UTP18: variants seen among roughly 807,000 people sequenced by gnomAD.
The protein encoded by UTP18 is UTP18 small subunit processome component.
Under a neutral mutation model 61.1 loss-of-function variants are expected in UTP18, and 36 were observed. The ratio of observed to expected loss-of-function variants is 0.59; its 90% CI spans 0.45 to 0.78. The LOEUF (loss-of-function observed/expected upper bound fraction) is 0.78, where lower values mean the gene tolerates loss of function less well. UTP18 is among the 30% of genes least tolerant of loss of function. The probability of loss-of-function intolerance (pLI) is 0.00; values close to 1 mark genes in which losing one functional copy is unlikely to be tolerated. For synonymous variants in UTP18, 282 were observed against 251.1 expected (o/e 1.12, Z -1.16); for missense variants, 753 against 693.9 (o/e 1.09, Z -0.96).
At chr17:51,281,090 T>C (rs1904902280) in intron 9 of UTP18, among the ~76,000 whole-genome samples, 1 of 150,430 alleles carries the variant, frequency 6.6e-6, no homozygotes, top group South Asian at 2.1e-4. Context: ...AGGCAAAGAA[T>C]CACTTGAACC....
chr17:51,296,499 T>C (rs1567708413), intron 12 of UTP18: 1 of 152,922 alleles, frequency 6.5e-6, no homozygotes, highest in Non-Finnish European at 1.5e-5. Context: ...AGATTTGGAG[T>C]GGTTCTGTTT....
chr17:51,260,767 T>A lies in UTP18; in HGVS notation c.183T>A (p.Ile61=). The stretch of plus-strand genomic sequence containing the variant: ...GGCCGAGCGCGGCGGCCGCTGCGAT[T>A]GCAGTCGCGGCGGCGGAGGAAGAGA... ...PARPSAAAAA[I]AVAAAEEERR... Residue 61 remains isoleucine, a synonymous_variant, in exon 1 of 14, where the codon ATT becomes ATA. Coordinates refer to ENST00000225298, the MANE Select transcript of UTP18 (RefSeq NM_016001.3). 2 of 1,581,178 alleles carry A rather than the reference T, an allele frequency of 1.3e-6. No individual in the cohort carries two copies. The highest frequency in any genetic ancestry group is 1.7e-6 in the Non-Finnish European group (2 of 1,164,720).
At chr17:51,274,740 C>T (rs780906046) in intron 5 of UTP18, among the ~76,000 whole-genome samples, 45 of 151,670 alleles carry the variant, frequency 3.0e-4, no homozygotes, top group Admixed American at 3.9e-4. Context: ...CGTGAGCCAC[C>T]GCGCCCAGCG....
chr17:51,262,807 C>CT (rs2055520457), intron 1 of UTP18, among the ~76,000 whole-genome samples: 1 of 152,204 alleles, frequency 6.6e-6, no homozygotes, highest in African/African-American at 2.4e-5. Context: ...CCACCTTGAC[C>CT]TCCCAAAGTG....
At chr17:51,292,949 T>A (rs982194563) in intron 11 of UTP18, among the ~76,000 whole-genome samples, 1 of 152,220 alleles carries the variant, frequency 6.6e-6, no homozygotes, top group African/African-American at 2.4e-5. Flanking sequence ...AAAGTGTATA[T>A]ACAATAGTTG....
In UTP18 at chr17:51,280,031, T is replaced by A. The variant is rs1904859517; in HGVS notation, c.1039T>A (p.Phe347Ile). 2 of 1,613,940 alleles carry A rather than the reference T, an allele frequency of 1.2e-6. No individual in the cohort carries two copies. The highest frequency in any genetic ancestry group is 1.7e-6 in the Non-Finnish European group (2 of 1,179,890). Reference sequence around the variant, plus strand: ...TTTGAAAGAGAAGATAGTGAGGAGCTTTGAAGTCTCCCCAGATGGGTCCTT... The same window carrying A: ...TTTGAAAGAGAAGATAGTGAGGAGCATTGAAGTCTCCCCAGATGGGTCCTT... ...RGLKEKIVRS[F>I]EVSPDGSFLL... The change falls in exon 8 of 14, where the codon TTT (phenylalanine) becomes ATT (isoleucine). Residue 347 changes from phenylalanine to isoleucine, a missense_variant. Physicochemically the swap from Phe to Ile is conservative, Grantham distance 21 (BLOSUM62 0). Transcript: ENST00000225298.
Position 51,293,943 on chromosome 17 carries a change from T to C in UTP18, c.1544T>C (p.Val515Ala). 2 of 1,604,242 alleles carry C rather than the reference T, an allele frequency of 1.2e-6. No individual in the cohort carries two copies. The highest frequency in any genetic ancestry group is 1.7e-6 in the Non-Finnish European group (2 of 1,175,280). ...PSCTVFSNFP[V>A]IKNKNISHVH... ...TGTACAGTATTTTCAAACTTCCCAG[T>C]CATTAAAAATAAGAATATTTCTCAT... The change falls in exon 12 of 14, where the codon GTC becomes GCC. Residue 515 changes from valine (V) to alanine (A), a missense_variant. Coordinates refer to ENST00000225298, the MANE Select transcript of UTP18 (RefSeq NM_016001.3).
At chr17:51,264,015 ATTTTCT>A (rs1432032716) in intron 2 of UTP18, among the ~76,000 whole-genome samples, 22 of 150,524 alleles carry the variant, frequency 1.5e-4, no homozygotes, top group Admixed American at 1.5e-3. Context: ...TGTTGGGTAG[ATTTTCT>A]TTTTCCCTTT....
rs1321422223 is a variant in UTP18, at chr17:51,285,330, C to T, written c.1290C>T (p.Ser430=). The T allele has an allele frequency of 3.1e-6, 5 of 1,613,872 alleles. No homozygotes were observed. Among genetic ancestry groups the T allele is most frequent in the East Asian group, 2.2e-5 (1 of 44,830 alleles). Residue 430 remains serine, a synonymous_variant, in exon 10 of 14, where the codon AGC becomes AGT. Transcript: ENST00000225298. The part of the protein sequence containing the change: ...FVDEGSLYGL[S]IATSRNGQYV... ...ATGAAGGCAGTTTATATGGATTAAG[C>T]ATTGCCACATCTAGGAATGGACAGT...
At chr17:51,271,407 A>G (rs565147484) in intron 4 of UTP18, among the ~76,000 whole-genome samples, 1 of 152,088 alleles carries the variant, frequency 6.6e-6, no homozygotes, top group Non-Finnish European at 1.5e-5. Flanking sequence ...CCTGGGTTCA[A>G]GCAATCCTCC....
intron 5 of UTP18, among the ~76,000 whole-genome samples, chr17:51,274,770 T>C (rs1332161185): frequency 6.6e-6 from 1 of 151,850 alleles, no homozygotes; most frequent in East Asian, 1.9e-4. Context: ...TCTTTTCTTA[T>C]TACACCATGG....
In UTP18 at chr17:51,260,922, C is replaced by T. The variant is rs1052635629; in HGVS notation, c.338C>T (p.Pro113Leu). 1.3e-5 allele frequency: 21 copies of T among 1,574,302 alleles called. No individual in the cohort carries two copies. The highest frequency in any genetic ancestry group is 1.8e-5 in the Non-Finnish European group (21 of 1,163,018). ...GCGTTGCTGCGGCGTCTGCGAGGCC[C>T]GAGGGTGAGGGAGGCCGCGGCGCGC... is the stretch of plus-strand genomic sequence containing the variant. ...EDALLRRLRGPRVQEHEDSGD... is the reference protein window; with the variant it reads ...EDALLRRLRGLRVQEHEDSGD... The change falls in exon 1 of 14, where the codon CCG becomes CTG. Residue 113 changes from proline (P) to leucine (L), a missense_variant. Physicochemically the swap from Pro to Leu is moderately conservative, Grantham distance 98. Transcript: ENST00000225298.
At chr17:51,275,715 TTTTTTG>T in intron 5 of UTP18, 145 bp from the exon 6 acceptor site, 5 of 819,554 alleles carry the variant, frequency 6.1e-6, no homozygotes, top group East Asian at 3.4e-5. Flanking sequence ...GGTTTTTTTG[TTTTTTG>T]TTTTTTTTTT....
intron 1 of UTP18, 122 bp downstream of exon 1, chr17:51,261,048 GC>G: frequency 1.1e-6 from 1 of 911,534 alleles, no homozygotes. Context: ...GTGGGAGGGA[GC>G]CCGAGAACGC....
intron 6 of UTP18, among the ~76,000 whole-genome samples, chr17:51,276,267 G>A (rs1904718236): frequency 6.6e-6 from 1 of 152,006 alleles, no homozygotes; most frequent in African/African-American, 2.4e-5. Flanking sequence ...TCACAGTTTG[G>A]GTCGCTCACC....
intron 12 of UTP18, among the ~76,000 whole-genome samples, chr17:51,295,079 A>G (rs573289287): frequency 6.6e-6 from 1 of 151,770 alleles, no homozygotes; most frequent in Admixed American, 6.6e-5. Flanking sequence ...GTTTGAGTTC[A>G]TTGTAGATTG....
chr17:51,296,406 A>T (rs1264232775), intron 12 of UTP18: 1 of 152,208 alleles, frequency 6.6e-6, no homozygotes, highest in African/African-American at 2.4e-5. Context: ...AATATACCAG[A>T]CAATAATGTG....
At position 51,260,773 on chromosome 17, in the gene UTP18, C is replaced by T; in HGVS notation, c.189C>T (p.Val63=). The T allele has an allele frequency of 3.2e-6, 5 of 1,579,186 alleles. No homozygotes were observed. The highest frequency in any genetic ancestry group is 3.4e-6 in the Non-Finnish European group (4 of 1,163,774). The change falls in exon 1 of 14, where the codon GTC becomes GTT. Residue 63 remains valine, a synonymous_variant. Coordinates refer to ENST00000225298, the MANE Select transcript of UTP18 (RefSeq NM_016001.3). The stretch of plus-strand genomic sequence containing the variant: ...GCGCGGCGGCCGCTGCGATTGCAGT[C>T]GCGGCGGCGGAGGAAGAGAGACGGC... ...RPSAAAAAIA[V]AAAEEERRLR...
At position 51,274,065 on chromosome 17, in the gene UTP18, A is replaced by AG. The variant is rs549777908; in HGVS notation, c.711+615_711+616insG. On this transcript the variant is annotated intron_variant, in intron 5 of 13. Coordinates refer to ENST00000225298, the MANE Select transcript of UTP18 (RefSeq NM_016001.3). ...GGCTTTTGCCTGGATCCTTAGCCTC[A>AG]TATCAGACCTGTTTCCCATGATTTC... 3.2e-3 allele frequency among the ~76,000 whole-genome samples: 494 copies of AG among 152,304 alleles called. 3 individuals are homozygous for AG. The highest frequency in any genetic ancestry group is 0.011 in the African/African-American group (475 of 41,558).
Sources: allele counts gnomAD v4.1 joint callset (sites outside exome capture counted in the v4.1 genomes callset), GRCh38; gene constraint gnomAD v4.1.1; transcripts MANE v1.5; gene names NCBI Gene and HGNC (gene_info 2026-07-23, HGNC 2026-07-21).